The following RGS6 variants were observed in gnomAD, a reference collection of about 807,000 sequenced individuals.
RGS6 encodes the protein regulator of G-protein signaling 6.
RGS6 carries 30 observed loss-of-function variants against 78.5 expected under a neutral mutation model. That is an observed-to-expected ratio of 0.38 (90% CI 0.29 to 0.52). The LOEUF (loss-of-function observed/expected upper bound fraction) is 0.52. Ranked by LOEUF, RGS6 falls within the 20% of genes least tolerant of loss-of-function variation. The pLI is 0.85. For synonymous variants in RGS6, 206 were observed against 206.0 expected, an observed-to-expected ratio of 1.00 and a Z score of 0.00; for missense variants, 495 against 609.7, an observed-to-expected ratio of 0.81 and a Z score of 1.98.
chr14:72,539,005 G>C (rs1444033098), intron 16 of RGS6, among the ~76,000 whole-genome samples: 1 of 152,214 alleles, frequency 6.6e-6, no homozygotes. Context: ...GTCTATGTGA[G>C]TGTGTGCACT....
At chr14:72,477,839 A>G (rs569649417) in intron 11 of RGS6, among the ~76,000 whole-genome samples, 2 of 152,172 alleles carry the variant, frequency 1.3e-5, no homozygotes, top group African/African-American at 4.8e-5. Flanking sequence ...ACACAGAAAA[A>G]AAGCTATTTG....
intron 2 of RGS6, among the ~76,000 whole-genome samples, chr14:72,068,163 T>G (rs2094244185): frequency 1.3e-5 from 2 of 148,386 alleles, no homozygotes; most frequent in Admixed American, 1.4e-4. Flanking sequence ...AGACAAGATC[T>G]GACGGTATCA....
At chr14:71,910,460 G>A in the RGS6 span, among the ~76,000 whole-genome samples, 3 of 152,094 alleles carry the variant, frequency 2.0e-5, no homozygotes, top group Admixed American at 6.5e-5. Flanking sequence ...TTTTGTTTAA[G>A]GTACTACATA....
At chr14:72,370,338 G>T (rs763799417) in intron 3 of RGS6, among the ~76,000 whole-genome samples, 1 of 152,100 alleles carries the variant, frequency 6.6e-6, no homozygotes, top group Non-Finnish European at 1.5e-5. Context: ...AAGGCCCATG[G>T]ACATTATCTC....
chr14:72,405,867 C>A (rs1334309987), intron 3 of RGS6, among the ~76,000 whole-genome samples: 1 of 152,152 alleles, frequency 6.6e-6, no homozygotes, highest in Non-Finnish European at 1.5e-5. Context: ...GTGGTCACCC[C>A]CTTGTACCTT....
chr14:72,028,103 A>G (rs2090221204), intron 2 of RGS6, among the ~76,000 whole-genome samples: 1 of 152,218 alleles, frequency 6.6e-6, no homozygotes, highest in Admixed American at 6.5e-5. Context: ...GTGGGCAGGT[A>G]GGCTGCCTTT....
intron 1 of RGS6, among the ~76,000 whole-genome samples, chr14:71,953,349 A>G (rs190379450): frequency 4.1e-4 from 63 of 152,176 alleles, no homozygotes; most frequent in Non-Finnish European, 5.0e-4. Context: ...CAACAACTCA[A>G]TTCTGCTGTT....
intron 9 of RGS6, among the ~76,000 whole-genome samples, chr14:72,473,603 C>T (rs1159673402): frequency 1.3e-5 from 2 of 152,188 alleles, no homozygotes; most frequent in African/African-American, 4.8e-5. Context: ...CAACTATTCT[C>T]TGTCGAATAC....
chr14:72,277,394 G>A (rs1285208232), intron 2 of RGS6, among the ~76,000 whole-genome samples: 6 of 151,288 alleles, frequency 4.0e-5, no homozygotes, highest in East Asian at 2.0e-4. Flanking sequence ...TCAGGAGATC[G>A]AGACCATCCT....
chr14:72,166,269 T>C (rs1246790768), intron 2 of RGS6, among the ~76,000 whole-genome samples: 1 of 152,186 alleles, frequency 6.6e-6, no homozygotes, highest in East Asian at 1.9e-4. Flanking sequence ...TATGTCTTAT[T>C]TTTAAAAATA....
chr14:72,502,058 G>A (rs1256410787), intron 13 of RGS6, among the ~76,000 whole-genome samples: 1 of 152,176 alleles, frequency 6.6e-6, no homozygotes, highest in Non-Finnish European at 1.5e-5. Context: ...AAAAGAGAGG[G>A]AGCACCTTTT....
intron 2 of RGS6, among the ~76,000 whole-genome samples, chr14:72,221,649 A>G (rs1388553133): frequency 6.6e-6 from 1 of 152,136 alleles, no homozygotes; most frequent in Non-Finnish European, 1.5e-5. Context: ...AACCTAATTG[A>G]TACATTCAGC....
At chr14:72,457,763 G>C (rs1049573564) in intron 4 of RGS6, among the ~76,000 whole-genome samples, 7 of 152,186 alleles carry the variant, frequency 4.6e-5, no homozygotes, top group Admixed American at 6.5e-5. Flanking sequence ...GTCCATAAGA[G>C]AAGGGTGACA....
At chr14:72,119,478 G>T (rs187099651) in intron 2 of RGS6, among the ~76,000 whole-genome samples, 2 of 152,262 alleles carry the variant, frequency 1.3e-5, no homozygotes, top group African/African-American at 4.8e-5. Flanking sequence ...AATGATGAAG[G>T]TAAGTTTGAG....
chr14:72,163,527 T>A (rs2153665519), intron 2 of RGS6, among the ~76,000 whole-genome samples: 1 of 152,328 alleles, frequency 6.6e-6, no homozygotes, highest in Middle Eastern at 3.4e-3. Context: ...ATAGCAACAC[T>A]TAGCAGACCG....
chr14:72,038,181 T>A (rs2091975420), intron 2 of RGS6, among the ~76,000 whole-genome samples: 1 of 151,904 alleles, frequency 6.6e-6, no homozygotes, highest in Admixed American at 6.6e-5. Flanking sequence ...TGTTGGCCAG[T>A]CTTGTCTTGA....
intron 2 of RGS6, among the ~76,000 whole-genome samples, chr14:72,075,286 G>T (rs776050151): frequency 1.3e-5 from 2 of 152,106 alleles, no homozygotes; most frequent in Non-Finnish European, 2.9e-5. Context: ...TAATTACTTT[G>T]TTTCCATTGT....
the RGS6 span, among the ~76,000 whole-genome samples, chr14:72,624,602 G>A: frequency 6.6e-6 from 1 of 152,164 alleles, no homozygotes; most frequent in Non-Finnish European, 1.5e-5. Flanking sequence ...GCCTCCCAAA[G>A]TGCTGGGATT....
chr14:71,885,010 T>A, the RGS6 span, among the ~76,000 whole-genome samples: 1 of 152,168 alleles, frequency 6.6e-6, no homozygotes, highest in East Asian at 1.9e-4. Flanking sequence ...CCCCATTTTC[T>A]GGAAACTGAC....
Sources: allele counts gnomAD v4.1 joint callset (sites outside exome capture counted in the v4.1 genomes callset), GRCh38; gene constraint gnomAD v4.1.1; transcripts MANE v1.5; gene names NCBI Gene and HGNC (gene_info 2026-07-23, HGNC 2026-07-21).